NCAPH: variants seen among roughly 807,000 people sequenced by gnomAD.
The protein encoded by NCAPH is non-SMC condensin I complex subunit H.
Under a neutral mutation model 85.5 loss-of-function variants are expected in NCAPH, and 38 were observed. The ratio of observed to expected loss-of-function variants is 0.44; its 90% confidence interval spans 0.34 to 0.58. The LOEUF is 0.58. NCAPH is among the 20% of genes least tolerant of loss of function. NCAPH has a pLI of 0.01. For missense variants in NCAPH, 789 were observed against 916.6 expected (o/e 0.86, Z 1.80); for synonymous variants, 301 against 335.1 (o/e 0.90, Z 1.11).
chr2:96,344,160 G>A lies in NCAPH; in HGVS notation c.651G>A (p.Lys217=). The change falls in exon 6 of 18, where the codon AAG becomes AAA. Residue 217 remains lysine (K), a synonymous_variant. Coordinates refer to ENST00000240423, the MANE Select transcript of NCAPH (RefSeq NM_015341.5). ...TTKKAVKPKK[K]HLHRTIEQNI... is the part of the protein sequence containing the mutation. Reference sequence around the variant, plus strand: ...AAAAGGCTGTAAAGCCAAAGAAGAAGCACTTACACAGAACTATTGAGCAGA... The same window carrying A: ...AAAAGGCTGTAAAGCCAAAGAAGAAACACTTACACAGAACTATTGAGCAGA... 1 of 1,613,566 alleles carries A rather than the reference G, an allele frequency of 6.2e-7. No individual in the cohort carries two copies. Among genetic ancestry groups the A allele is most frequent in the South Asian group, 1.1e-5 (1 of 90,920 alleles).
intron 9 of NCAPH, among the ~76,000 whole-genome samples, chr2:96,357,534 A>G (rs769578974): frequency 2.6e-5 from 4 of 152,200 alleles, no homozygotes; most frequent in African/African-American, 4.8e-5. Flanking sequence ...ATGGAAGAAT[A>G]TCCATCAGAA....
chr2:96,341,701 T>G lies in NCAPH; in HGVS notation c.79T>G (p.Ser27Ala). 2 of 1,614,184 alleles carry G rather than the reference T, an allele frequency of 1.2e-6. No individual in the cohort carries two copies. The highest frequency in any genetic ancestry group is 1.7e-6 in the Non-Finnish European group (2 of 1,180,036). Residue 27 changes from serine to alanine, a missense_variant, in exon 2 of 18, where the codon TCC (serine) becomes GCC (alanine). Transcript: ENST00000240423. Reference protein sequence around the residue: ...SETRGHPHSASSPSERVFPMP... With the variant: ...SETRGHPHSAASPSERVFPMP... ...GACGCGAGGACACCCCCACAGTGCC[T>G]CCTCTCCTTCAGAGCGTGTGTTCCC...
In NCAPH at chr2:96,374,853, C is replaced by G. The variant is rs2064815528; in HGVS notation, c.*1502C>G. 6.6e-6 allele frequency among the ~76,000 whole-genome samples: 1 copy of G among 152,132 alleles called. No homozygotes were observed. The highest frequency in any genetic ancestry group is 1.5e-5 in the Non-Finnish European group (1 of 68,038). ...AACTGGCTAAGCCCATTCCTTCCCT[C>G]AGTCAGCCCCACTTCTCTATAGTGG... On this transcript the variant is annotated 3_prime_UTR_variant, in exon 18 of 18. Transcript: ENST00000240423.
chr2:96,341,179 T>G (rs2064289570), intron 1 of NCAPH, among the ~76,000 whole-genome samples: 1 of 152,166 alleles, frequency 6.6e-6, no homozygotes, highest in Non-Finnish European at 1.5e-5. Flanking sequence ...TTTTACATGT[T>G]TATGTTGTTT....
chr2:96,344,873 A>C (rs578134503), intron 6 of NCAPH, among the ~76,000 whole-genome samples: 1 of 152,324 alleles, frequency 6.6e-6, no homozygotes, highest in Non-Finnish European at 1.5e-5. Flanking sequence ...GAACATTCTA[A>C]TACATATTAT....
intron 3 of NCAPH, 48 bp downstream of exon 3, chr2:96,342,188 G>A: frequency 1.4e-6 from 2 of 1,432,304 alleles, no homozygotes; most frequent in African/African-American, 2.8e-5. Flanking sequence ...CTTGATCACA[G>A]GGGAAATCCA....
intron 6 of NCAPH, among the ~76,000 whole-genome samples, chr2:96,345,415 G>A (rs1308344308): frequency 1.3e-5 from 2 of 152,214 alleles, no homozygotes; most frequent in Non-Finnish European, 2.9e-5. Flanking sequence ...CTGGTTCTGT[G>A]AGTGTGAAAA....
At chr2:96,365,250 A>G (rs2064680488) in intron 13 of NCAPH, among the ~76,000 whole-genome samples, 1 of 152,006 alleles carries the variant, frequency 6.6e-6, no homozygotes, top group Admixed American at 6.6e-5. Flanking sequence ...AAATGTATTC[A>G]CCTTATTTTC....
Position 96,341,738 on chromosome 2 carries a change from C to T in NCAPH, c.116C>T (p.Pro39Leu). Residue 39 changes from proline to leucine, a missense_variant, in exon 2 of 18, where the codon CCC (proline) becomes CTC (leucine). Transcript: ENST00000240423. Reference sequence around the variant, plus strand: ...GAGCGTGTGTTCCCGATGCCCCTGCCCAGGAAGGCGCCTCTCAATATTCCT... The same window carrying T: ...GAGCGTGTGTTCCCGATGCCCCTGCTCAGGAAGGCGCCTCTCAATATTCCT... ...PSERVFPMPL[P>L]RKAPLNIPGT... The T allele has an allele frequency of 1.9e-6, 3 of 1,614,208 alleles. No homozygotes were observed. Among genetic ancestry groups the T allele is most frequent in the East Asian group, 2.2e-5 (1 of 44,888 alleles).
chr2:96,354,388 A>G lies in NCAPH; in HGVS notation c.1208A>G (p.Gln403Arg). ...WKEPCQVQSC[Q>R]EEMISLGDGD... ...GAGCCCTGCCAGGTTCAGAGCTGCC[A>G]GTAAGGCTCTCAGAGTCCGAAAGTG... The change falls in exon 9 of 18, where the codon CAG becomes CGG. Residue 403 changes from glutamine (Q) to arginine (R), a missense_variant and splice_region_variant. Physicochemically the swap from Gln to Arg is conservative, Grantham distance 43. Coordinates refer to ENST00000240423, the MANE Select transcript of NCAPH (RefSeq NM_015341.5). 2 of 1,574,570 alleles carry G rather than the reference A, an allele frequency of 1.3e-6. No individual in the cohort carries two copies. The highest frequency in any genetic ancestry group is 1.2e-5 in the South Asian group (1 of 85,954).
At chr2:96,366,151 T>C in intron 14 of NCAPH, 93 bp downstream of exon 14, 1 of 1,391,460 alleles carries the variant, frequency 7.2e-7, no homozygotes, top group Non-Finnish European at 9.8e-7. Context: ...CTTGATTTCT[T>C]TTCTTCTCAG....
chr2:96,371,025 C>A lies in NCAPH; in HGVS notation c.2166+1525C>A, dbSNP rs530444409. 3.9e-5 allele frequency among the ~76,000 whole-genome samples: 6 copies of A among 152,326 alleles called. No individual in the cohort carries two copies. In the East Asian group the frequency reaches 1.2e-3, roughly 29 times the overall value. On this transcript the variant is annotated intron_variant, in intron 17 of 17. Coordinates refer to ENST00000240423, the MANE Select transcript of NCAPH (RefSeq NM_015341.5). Reference sequence around the variant, plus strand: ...GAGGTGGTAGTTCCTATACCTGACACATCCTAAAGCATCTGATATCACATG... The same window carrying A: ...GAGGTGGTAGTTCCTATACCTGACAAATCCTAAAGCATCTGATATCACATG...
At chr2:96,368,933 T>C (rs1447988911) in intron 15 of NCAPH, 39 bp from the exon 16 acceptor site, 1 of 1,538,558 alleles carries the variant, frequency 6.5e-7, no homozygotes, top group Admixed American at 2.0e-5. Context: ...AAAAGTGCAC[T>C]AGCCCTAACT....
At chr2:96,357,766 C>A (rs1425297122) in intron 9 of NCAPH, among the ~76,000 whole-genome samples, 1 of 152,064 alleles carries the variant, frequency 6.6e-6, no homozygotes, top group Non-Finnish European at 1.5e-5. Flanking sequence ...TTTTAAAATT[C>A]TGTATGTAAA....
At chr2:96,365,379 G>T (rs1025473715) in intron 13 of NCAPH, among the ~76,000 whole-genome samples, 1 of 152,026 alleles carries the variant, frequency 6.6e-6, no homozygotes, top group African/African-American at 2.4e-5. Flanking sequence ...TTTAAGGACT[G>T]ATTCCTGACC....
intron 3 of NCAPH, among the ~76,000 whole-genome samples, chr2:96,342,454 GAGAATGGGGGTAGTGCCT>G (rs1481713953): frequency 1.3e-5 from 2 of 152,200 alleles, no homozygotes; most frequent in African/African-American, 4.8e-5. Flanking sequence ...GTGTCCTCTG[GAGAATGGGGGTAGTGCCT>G]GCCTCATGAA....
At chr2:96,366,297 A>G (rs995811798) in intron 14 of NCAPH, among the ~76,000 whole-genome samples, 2 of 152,230 alleles carry the variant, frequency 1.3e-5, no homozygotes, top group African/African-American at 4.8e-5. Flanking sequence ...TCACCCAAAT[A>G]AGGCATATGA....
At chr2:96,368,026 TCTAC>T (rs1234196823) in intron 15 of NCAPH, among the ~76,000 whole-genome samples, 1 of 152,232 alleles carries the variant, frequency 6.6e-6, no homozygotes, top group African/African-American at 2.4e-5. Context: ...ACTGTCAGAT[TCTAC>T]TTCTTCAGAA....
chr2:96,352,094 A>G (rs755698960), intron 7 of NCAPH, 74 bp downstream of exon 7: 4 of 1,379,262 alleles, frequency 2.9e-6, no homozygotes, highest in Non-Finnish European at 3.0e-6. Flanking sequence ...ATGGGGTACA[A>G]TAAGCCCATC....
Sources: allele counts gnomAD v4.1 joint callset (sites outside exome capture counted in the v4.1 genomes callset), GRCh38; gene constraint gnomAD v4.1.1; transcripts MANE v1.5; gene names NCBI Gene and HGNC (gene_info 2026-07-23, HGNC 2026-07-21).